The following LOC128462377 variants were observed in gnomAD, a reference collection of about 807,000 sequenced individuals.
chr16:89,378,120 CG>C, the LOC128462377 span, among the ~76,000 whole-genome samples: 1 of 152,036 alleles, frequency 6.6e-6, no homozygotes, highest in Non-Finnish European at 1.5e-5. Flanking sequence ...GAGGCCGAGG[CG>C]GAAGGATCAC....
the LOC128462377 span, among the ~76,000 whole-genome samples, chr16:89,317,306 G>C: frequency 6.6e-6 from 1 of 152,226 alleles, no homozygotes; most frequent in Non-Finnish European, 1.5e-5. Flanking sequence ...ACAGAGAAGG[G>C]TCAAGCACTT....
At chr16:89,386,824 G>A in the LOC128462377 span, among the ~76,000 whole-genome samples, 7 of 152,288 alleles carry the variant, frequency 4.6e-5, no homozygotes, top group Non-Finnish European at 1.0e-4. Context: ...TAAAGCAGAA[G>A]CCTGAAGACT....
chr16:89,379,462 T>C, the LOC128462377 span, among the ~76,000 whole-genome samples: 19 of 152,340 alleles, frequency 1.2e-4, no homozygotes, highest in South Asian at 6.2e-4. Context: ...AACCAGCTCA[T>C]GTAACTCTGC....
the LOC128462377 span, among the ~76,000 whole-genome samples, chr16:89,376,466 CTT>C: frequency 3.3e-5 from 5 of 152,264 alleles, no homozygotes; most frequent in African/African-American, 1.2e-4. Context: ...GAGTCAGACT[CTT>C]GTTCCGTCAC....
At chr16:89,409,871 G>T in the LOC128462377 span, among the ~76,000 whole-genome samples, 1 of 142,264 alleles carries the variant, frequency 7.0e-6, no homozygotes, top group African/African-American at 3.1e-5. Context: ...TGGGAGTCTC[G>T]CTCTGTCGCC....
the LOC128462377 span, among the ~76,000 whole-genome samples, chr16:89,338,454 G>A: frequency 4.0e-5 from 6 of 148,868 alleles, no homozygotes; most frequent in African/African-American, 1.5e-4. Flanking sequence ...AGGACCAGGC[G>A]CTGTGGCTCA....
chr16:89,319,255 G>T, the LOC128462377 span, among the ~76,000 whole-genome samples: 1 of 152,224 alleles, frequency 6.6e-6, no homozygotes, highest in Non-Finnish European at 1.5e-5. Flanking sequence ...GGCCCCGACA[G>T]TGCGGGGCTT....
the LOC128462377 span, among the ~76,000 whole-genome samples, chr16:89,348,151 G>A: frequency 6.6e-6 from 1 of 151,936 alleles, no homozygotes; most frequent in South Asian, 2.1e-4. Context: ...AAGCTGCTCT[G>A]CAACTCCTGG....
chr16:89,325,469 T>TCACACACA, the LOC128462377 span, among the ~76,000 whole-genome samples: 20 of 147,638 alleles, frequency 1.4e-4, no homozygotes, highest in African/African-American at 5.2e-4. Context: ...TCTCTCTCTC[T>TCACACACA]CACACACACA....
At chr16:89,398,098 ACCT>A in the LOC128462377 span, among the ~76,000 whole-genome samples, 2 of 151,400 alleles carry the variant, frequency 1.3e-5, no homozygotes, top group African/African-American at 4.9e-5. Context: ...ATTACCTGTA[ACCT>A]CAGCGCTCTG....
At chr16:89,345,250 C>G in the LOC128462377 span, among the ~76,000 whole-genome samples, 1 of 140,064 alleles carries the variant, frequency 7.1e-6, no homozygotes, top group Non-Finnish European at 1.6e-5. Flanking sequence ...TACAAGCCCC[C>G]CCTCCCCACC....
At chr16:89,356,674 G>C in the LOC128462377 span, among the ~76,000 whole-genome samples, 6 of 151,164 alleles carry the variant, frequency 4.0e-5, no homozygotes, top group African/African-American at 1.5e-4. Context: ...CCAGCTACTT[G>C]GGAGGCTGAG....
chr16:89,341,067 G>A, the LOC128462377 span, among the ~76,000 whole-genome samples: 1 of 152,108 alleles, frequency 6.6e-6, no homozygotes, highest in Non-Finnish European at 1.5e-5. Flanking sequence ...CATATGCCCA[G>A]GAAAAAATTA....
chr16:89,383,182 C>A, the LOC128462377 span, among the ~76,000 whole-genome samples: 3 of 152,194 alleles, frequency 2.0e-5, no homozygotes, highest in Admixed American at 1.3e-4. Flanking sequence ...GTAAAGGGAG[C>A]GGTGCGAGGT....
At chr16:89,375,885 C>G in the LOC128462377 span, among the ~76,000 whole-genome samples, 3 of 151,926 alleles carry the variant, frequency 2.0e-5, no homozygotes, top group African/African-American at 7.3e-5. Flanking sequence ...ACTAGCGATG[C>G]TGGCAGTGCT....
the LOC128462377 span, among the ~76,000 whole-genome samples, chr16:89,343,346 CA>C: frequency 6.6e-6 from 1 of 152,180 alleles, no homozygotes; most frequent in South Asian, 2.1e-4. Context: ...GAAAAATTGA[CA>C]TTTAGTTATA....
the LOC128462377 span, among the ~76,000 whole-genome samples, chr16:89,363,305 TTTG>T: frequency 6.6e-6 from 1 of 152,302 alleles, no homozygotes. Flanking sequence ...TGCATGCGAA[TTTG>T]TTATTTATGC....
the LOC128462377 span, among the ~76,000 whole-genome samples, chr16:89,381,365 G>C: frequency 1.4e-5 from 2 of 145,966 alleles, no homozygotes; most frequent in East Asian, 3.9e-4. Flanking sequence ...GGGGTGAGAA[G>C]GGCAAGCAAG....
chr16:89,364,956 A>G, the LOC128462377 span, among the ~76,000 whole-genome samples: 1 of 152,224 alleles, frequency 6.6e-6, no homozygotes, highest in East Asian at 1.9e-4. Flanking sequence ...GAACAACACT[A>G]TGTTAATTTT....
Sources: allele counts gnomAD v4.1 joint callset (sites outside exome capture counted in the v4.1 genomes callset), GRCh38; gene constraint gnomAD v4.1.1; transcripts MANE v1.5.